MTTP: variants seen among roughly 807,000 people sequenced by gnomAD.
MTTP encodes the protein microsomal triglyceride transfer protein, also known as microsomal triglyceride transfer protein large subunit.
MTTP carries 49 observed loss-of-function variants against 90.6 expected under a neutral mutation model. That is an observed-to-expected ratio of 0.54 (90% CI 0.43 to 0.69). MTTP has a LOEUF of 0.69. Ranked by LOEUF, MTTP falls within the 30% of genes least tolerant of loss-of-function variation. The pLI is 0.00. For missense variants in MTTP, 945 were observed against 1,067.5 expected, an observed-to-expected ratio of 0.89 and a Z score of 1.60; for synonymous variants, 347 against 384.2, an observed-to-expected ratio of 0.90 and a Z score of 1.13.
Position 99,594,881 on chromosome 4 carries a change from T to C in MTTP, c.907T>C (p.Ser303Pro), listed in dbSNP as rs1725516415. The C allele has an allele frequency of 6.2e-7, 1 of 1,613,796 alleles. No individual in the cohort carries two copies. The highest frequency in any genetic ancestry group is 1.3e-5 in the African/African-American group (1 of 75,022). ...VFQSHCKGCP[S>P]LSELWRSTRK... Reference sequence around the variant, plus strand: ...CCAGAGCCACTGTAAAGGATGTCCTTCTGTAAGTGCAGACAAATATGGGAA... The same window carrying C: ...CCAGAGCCACTGTAAAGGATGTCCTCCTGTAAGTGCAGACAAATATGGGAA... The change falls in exon 7 of 18, where the codon TCT (serine) becomes CCT (proline). Residue 303 changes from serine to proline, a missense_variant and splice_region_variant. Transcript: ENST00000265517.
At chr4:99,569,972 T>C (rs1724798339), upstream of MTTP, among the ~76,000 whole-genome samples, 1 of 151,954 alleles carries the variant, frequency 6.6e-6, no homozygotes, top group African/African-American at 2.4e-5. Flanking sequence ...CCAAACATGG[T>C]ATCCAAATTT....
chr4:99,579,267 G>A (rs908394121), intron 1 of MTTP, among the ~76,000 whole-genome samples: 11 of 152,160 alleles, frequency 7.2e-5, no homozygotes, highest in Non-Finnish European at 1.2e-4. Flanking sequence ...CTATGGCAGC[G>A]TCCCATCTCA....
intron 7 of MTTP, among the ~76,000 whole-genome samples, chr4:99,595,250 G>A (rs889445990): frequency 9.2e-5 from 14 of 152,110 alleles, no homozygotes. Flanking sequence ...TTGTCCACAG[G>A]TGACATACTT....
At chr4:99,564,477 T>A in intron 1 of MTTP, 1 of 463,330 alleles carries the variant, frequency 2.2e-6, no homozygotes, top group Non-Finnish European at 3.8e-6. Flanking sequence ...CTGTAAGGCT[T>A]TTTTATGGCT....
At chr4:99,610,270 T>A (rs1001133993) in intron 12 of MTTP, among the ~76,000 whole-genome samples, 7 of 152,136 alleles carry the variant, frequency 4.6e-5, no homozygotes, top group African/African-American at 1.7e-4. Flanking sequence ...TTGGCTCTGG[T>A]TTTATCCCAG....
At chr4:99,600,879 C>T in intron 9 of MTTP, 146 bp downstream of exon 9, 6 of 781,472 alleles carry the variant, frequency 7.7e-6, no homozygotes, top group Non-Finnish European at 8.0e-6. Flanking sequence ...ATTTTCTATC[C>T]ACTAATTATT....
In MTTP at chr4:99,611,334, A is replaced by C; in HGVS notation, c.1870A>C (p.Ser624Arg). The C allele has an allele frequency of 6.2e-7, 1 of 1,614,102 alleles. No homozygotes were observed. The change falls in exon 14 of 18, where the codon AGT becomes CGT. Residue 624 changes from serine (S) to arginine (R), a missense_variant and splice_region_variant. Physicochemically the swap from Ser to Arg is moderately radical, Grantham distance 110. Coordinates refer to ENST00000265517, the MANE Select transcript of MTTP (RefSeq NM_001386140.1). ...TTACAGTTATTGTGTGTCATCAGGT[A>C]GTCCCCGTTCGGCATCTACTTACAG... is the stretch of plus-strand genomic sequence containing the variant. ...SSAYTGYIER[S>R]PRSASTYSLD... is the part of the protein sequence containing the mutation.
chr4:99,615,985 GCT>G (rs906152649), intron 15 of MTTP, among the ~76,000 whole-genome samples: 12 of 152,218 alleles, frequency 7.9e-5, no homozygotes, highest in Admixed American at 2.0e-4. Context: ...ATAAACCTAT[GCT>G]CTCTCTCTCT....
At chr4:99,599,170 G>T (rs1160570335) in intron 8 of MTTP, among the ~76,000 whole-genome samples, 1 of 152,176 alleles carries the variant, frequency 6.6e-6, no homozygotes, top group Admixed American at 6.5e-5. Context: ...AACTGAGTTT[G>T]CAAAACTGGA....
At chr4:99,615,996 CT>C (rs200855101) in intron 15 of MTTP, among the ~76,000 whole-genome samples, 2 of 151,496 alleles carry the variant, frequency 1.3e-5, no homozygotes, top group Non-Finnish European at 1.5e-5. Flanking sequence ...CTCTCTCTCT[CT>C]TTTTTTTTCC....
chr4:99,611,015 C>A, intron 12 of MTTP, 128 bp from the exon 13 acceptor site: 1 of 905,312 alleles, frequency 1.1e-6, no homozygotes, highest in Non-Finnish European at 1.8e-6. Context: ...ACCACCCTGG[C>A]TCTTGGAAAG....
In MTTP at chr4:99,606,822, T is replaced by C. The variant is rs577892635; in HGVS notation, c.1419T>C (p.Tyr473=). 1 of 1,614,136 alleles carries C rather than the reference T, an allele frequency of 6.2e-7. No individual in the cohort carries two copies. The highest frequency in any genetic ancestry group is 8.5e-7 in the Non-Finnish European group (1 of 1,180,012). ...KAEKKEDTRM[Y]LLALKNALLP... is the part of the protein sequence containing the mutation. Reference sequence around the variant, plus strand: ...AGAAAAAAGAGGACACCAGGATGTATCTGCTGGCTTTGAAGAATGCCCTGC... The same window carrying C: ...AGAAAAAAGAGGACACCAGGATGTACCTGCTGGCTTTGAAGAATGCCCTGC... Residue 473 remains tyrosine (Y), a synonymous_variant, in exon 11 of 18, where the codon TAT becomes TAC. Coordinates refer to ENST00000265517, the MANE Select transcript of MTTP (RefSeq NM_001386140.1).
At chr4:99,609,938 G>A (rs1725910719) in intron 12 of MTTP, among the ~76,000 whole-genome samples, 1 of 152,178 alleles carries the variant, frequency 6.6e-6, no homozygotes, top group South Asian at 2.1e-4. Flanking sequence ...TGTACTTGCT[G>A]CCTTCGTCTT....
At chr4:99,610,954 C>T (rs1324287088) in intron 12 of MTTP, among the ~76,000 whole-genome samples, 189 bp from the exon 13 acceptor site, 1 of 152,138 alleles carries the variant, frequency 6.6e-6, no homozygotes, top group Admixed American at 6.6e-5. Flanking sequence ...TTTCAAATAT[C>T]TGAGTAATGA....
At chr4:99,571,993 A>G (rs751634542), upstream of MTTP, among the ~76,000 whole-genome samples, 1 of 151,688 alleles carries the variant, frequency 6.6e-6, no homozygotes, top group Non-Finnish European at 1.5e-5. Flanking sequence ...CTGACTTTCT[A>G]TATCTAGTAG....
At chr4:99,621,425 T>C (rs1726229796) in intron 17 of MTTP, among the ~76,000 whole-genome samples, 194 bp downstream of exon 17, 1 of 151,700 alleles carries the variant, frequency 6.6e-6, no homozygotes, top group African/African-American at 2.4e-5. Flanking sequence ...CAAAAAAAAA[T>C]CTAATGACTA....
In MTTP at chr4:99,600,731, A is replaced by C. The variant is rs1406071027; in HGVS notation, c.1234A>C (p.Ile412Leu). 1.2e-6 allele frequency: 2 copies of C among 1,613,470 alleles called. No individual in the cohort carries two copies. Among genetic ancestry groups the C allele is most frequent in the Non-Finnish European group, 8.5e-7 (1 of 1,179,544 alleles). Reference protein sequence around the residue: ...HPNEELLRALISKFKGSIGSS... With the variant: ...HPNEELLRALLSKFKGSIGSS... The stretch of plus-strand genomic sequence containing the variant: ...CAATGAAGAACTCCTGAGAGCCCTC[A>C]TTGTAAGTCAAATAGAAAATAAAGA... The change falls in exon 9 of 18, where the codon ATT becomes CTT. Residue 412 changes from isoleucine to leucine, a missense_variant and splice_region_variant. By Grantham distance (5) the Ile-to-Leu change is conservative (BLOSUM62 2). Transcript: ENST00000265517.
At chr4:99,588,351 T>G (rs1419076033) in intron 3 of MTTP, among the ~76,000 whole-genome samples, 1 of 152,152 alleles carries the variant, frequency 6.6e-6, no homozygotes, top group Non-Finnish European at 1.5e-5. Context: ...ACAGGGAACA[T>G]GTATCTATCC....
chr4:99,619,994 T>C (rs911667612), intron 16 of MTTP, among the ~76,000 whole-genome samples: 1 of 152,226 alleles, frequency 6.6e-6, no homozygotes, highest in African/African-American at 2.4e-5. Flanking sequence ...ATTGAATTCT[T>C]TGCAAAGAGA....
Sources: gnomAD v4.1 joint callset for allele counts (sites outside exome capture counted in the v4.1 genomes callset) on GRCh38, gnomAD v4.1.1 for gene constraint, MANE v1.5 for transcripts, NCBI Gene and HGNC (gene_info 2026-07-23, HGNC 2026-07-21) for gene names.